Variants in ANK2 observed in about 807,000 individuals in gnomAD.
ANK2 encodes ankyrin 2.
Under a neutral mutation model 360.5 loss-of-function variants are expected in ANK2, and 83 were observed. That is an observed-to-expected ratio of 0.23 (90% CI 0.19 to 0.28). The LOEUF is 0.28. ANK2 is among the 10% of genes least tolerant of loss of function. ANK2 has a pLI of 1.00. For synonymous variants in ANK2, 1,740 were observed against 1,759.5 expected (o/e 0.99, Z 0.28); for missense variants, 4,201 against 4,795.7 (o/e 0.88, Z 3.66).
At chr4:113,206,055 T>A (rs1281301048) in intron 4 of ANK2, among the ~76,000 whole-genome samples, 1 of 152,218 alleles carries the variant, frequency 6.6e-6, no homozygotes, top group African/African-American at 2.4e-5. Context: ...CCAAAATATA[T>A]GCATATGGTT....
At chr4:112,924,096 G>A (rs1026369203) in intron 2 of ANK2, among the ~76,000 whole-genome samples, 6 of 151,944 alleles carry the variant, frequency 3.9e-5, no homozygotes, top group Non-Finnish European at 7.4e-5. Flanking sequence ...GCTGGCTGGC[G>A]CAGTGGCTCA....
intron 2 of ANK2, among the ~76,000 whole-genome samples, chr4:112,924,333 AC>A (rs2092191281): frequency 1.3e-5 from 2 of 151,032 alleles, no homozygotes; most frequent in African/African-American, 2.4e-5. Context: ...GCACCACTGC[AC>A]TCCAGCCTGG....
chr4:112,771,205 C>T, the ANK2 span, among the ~76,000 whole-genome samples: 4 of 152,298 alleles, frequency 2.6e-5, no homozygotes, highest in South Asian at 2.1e-4. Flanking sequence ...CTTCGCCTCC[C>T]GGGTTCAAGC....
At chr4:112,860,699 T>G (rs1483077898) in intron 1 of ANK2, among the ~76,000 whole-genome samples, 41 of 152,202 alleles carry the variant, frequency 2.7e-4, no homozygotes, top group Admixed American at 2.7e-3. Context: ...TTAGTGGGTT[T>G]AATGAGTACC....
At chr4:112,978,709 C>T (rs576490133) in intron 2 of ANK2, among the ~76,000 whole-genome samples, 1 of 152,284 alleles carries the variant, frequency 6.6e-6, no homozygotes, top group East Asian at 1.9e-4. Flanking sequence ...CCACATTTAT[C>T]CATTTACCTC....
At chr4:112,796,038 G>C in the ANK2 span, among the ~76,000 whole-genome samples, 32 of 152,114 alleles carry the variant, frequency 2.1e-4, no homozygotes, top group Non-Finnish European at 2.1e-4. Context: ...GGACTCAAGT[G>C]GTCCACCTGC....
chr4:113,025,606 A>T lies in ANK2; in HGVS notation c.21+121092A>T, dbSNP rs183679348. Among the ~76,000 whole-genome samples the T allele has an allele frequency of 1.2e-4, 18 of 152,326 alleles. 1 individual carries two copies. The East Asian group carries it at 2.7e-3, about 23-fold the overall frequency. ...TCTTCAATCATGCCTTCATTCCTTC[A>T]AAATGAATGCAACTCTCTCCATATG... is the stretch of plus-strand genomic sequence containing the variant. On this transcript the variant is annotated intron_variant, in intron 2 of 30. Coordinates refer to the ANK2 transcript ENST00000503271.
chr4:112,970,785 T>C (rs1039593979), intron 2 of ANK2, among the ~76,000 whole-genome samples: 1 of 152,168 alleles, frequency 6.6e-6, no homozygotes, highest in Non-Finnish European at 1.5e-5. Flanking sequence ...TTGTAGAATA[T>C]GATGCTTATA....
intron 39 of ANK2, among the ~76,000 whole-genome samples, chr4:113,361,627 G>C (rs748135105): frequency 1.3e-5 from 2 of 150,034 alleles, no homozygotes; most frequent in African/African-American, 2.5e-5. Context: ...CTTAGATTTG[G>C]TGATGAATAG....
At chr4:112,776,414 G>A in the ANK2 span, among the ~76,000 whole-genome samples, 2 of 152,278 alleles carry the variant, frequency 1.3e-5, no homozygotes, top group East Asian at 1.9e-4. Context: ...TAACTAGGAA[G>A]GGAAGAGTGA....
At chr4:113,332,896 G>A in intron 28 of ANK2, 158 bp from the exon 29 acceptor site, 2 of 985,054 alleles carry the variant, frequency 2.0e-6, no homozygotes, top group Non-Finnish European at 3.1e-6. Flanking sequence ...GTGCTACTGT[G>A]TGACCATCTG....
At chr4:113,120,776 A>AT (rs147502960) in intron 1 of ANK2, among the ~76,000 whole-genome samples, 617 of 152,220 alleles carry the variant, frequency 4.1e-3, no homozygotes, top group Non-Finnish European at 6.6e-3. Flanking sequence ...GCATCCTCCA[A>AT]TAAGCCCCAG....
intron 2 of ANK2, among the ~76,000 whole-genome samples, chr4:112,981,186 A>G (rs559256113): frequency 6.6e-6 from 1 of 152,360 alleles, no homozygotes; most frequent in Non-Finnish European, 1.5e-5. Context: ...GTGCATGCTC[A>G]AGGCTCCACT....
At chr4:113,285,607 C>A (rs538014322) in intron 18 of ANK2, among the ~76,000 whole-genome samples, 1 of 152,188 alleles carries the variant, frequency 6.6e-6, no homozygotes, top group African/African-American at 2.4e-5. Flanking sequence ...CCATGCCCTT[C>A]CTGGGTGCAC....
Position 113,354,381 on chromosome 4 carries a change from G to T in ANK2, c.5763G>T (p.Arg1921Ser). 1 of 1,613,910 alleles carries T rather than the reference G, an allele frequency of 6.2e-7. No homozygotes were observed. The change falls in exon 38 of 46, where the codon AGG becomes AGT. Residue 1921 changes from arginine (R) to serine (S), a missense_variant. Physicochemically the swap from Arg to Ser is moderately radical, Grantham distance 110. Coordinates refer to ENST00000357077, the MANE Select transcript of ANK2 (RefSeq NM_001148.6). ...DKRPPVSPSG[R>S]TEKHPPVSPG... ...GTCCACCTGTATCGCCCTCCGGGAG[G>T]ACAGAAAAACACCCGCCAGTATCGC...
chr4:112,912,510 C>T (rs1406620263), intron 2 of ANK2, among the ~76,000 whole-genome samples: 1 of 151,806 alleles, frequency 6.6e-6, no homozygotes, highest in Non-Finnish European at 1.5e-5. Flanking sequence ...TTATGATTTT[C>T]CTATCCCTCC....
At chr4:112,855,378 T>A (rs1379677780) in intron 1 of ANK2, among the ~76,000 whole-genome samples, 1 of 152,258 alleles carries the variant, frequency 6.6e-6, no homozygotes, top group Non-Finnish European at 1.5e-5. Flanking sequence ...TATGCTAAAT[T>A]GCCTGCCTGG....
chr4:113,293,192 G>A (rs549663664), intron 21 of ANK2: 30 of 633,220 alleles, frequency 4.7e-5, no homozygotes, highest in Admixed American at 4.2e-4. Flanking sequence ...GGGTTAAAGC[G>A]TCAAGTGCTT....
chr4:113,021,480 CGTATGT>C (rs1480657780), intron 2 of ANK2, among the ~76,000 whole-genome samples: 4 of 143,922 alleles, frequency 2.8e-5, no homozygotes, highest in African/African-American at 1.0e-4. Flanking sequence ...TATATAAGTA[CGTATGT>C]GTATGTGTAT....
Sources: allele counts gnomAD v4.1 joint callset (sites outside exome capture counted in the v4.1 genomes callset), GRCh38; gene constraint gnomAD v4.1.1; transcripts MANE v1.5; gene names NCBI Gene and HGNC (gene_info 2026-07-23, HGNC 2026-07-21).